The following ABCA4 variants were observed in gnomAD, a reference collection of about 807,000 sequenced individuals.
The protein encoded by ABCA4 is retinal-specific phospholipid-transporting ATPase ABCA4.
In ABCA4, 196 loss-of-function variants were observed where a neutral mutation model predicts 263.7. The observed-to-expected ratio is 0.74, with a 90% CI of 0.66 to 0.84. The LOEUF is 0.84. Among genes scored for constraint, ABCA4 ranks in the 40% least tolerant of loss-of-function variants. The probability of loss-of-function intolerance (pLI) is 0.00; values close to 1 mark genes in which losing one functional copy is unlikely to be tolerated. For synonymous variants in ABCA4, 1,133 were observed against 1,094.2 expected (o/e 1.04, Z -0.70); for missense variants, 2,792 against 2,855.1 (o/e 0.98, Z 0.50).
At chr1:94,011,134 C>A in intron 39 of ABCA4, 128 bp downstream of exon 39, 1 of 1,557,826 alleles carries the variant, frequency 6.4e-7, no homozygotes. Context: ...GCTGGCAGGA[C>A]ACCTCCAGCC....
Position 94,028,906 on chromosome 1 carries a change from CA to C in ABCA4, c.4539+538del, listed in dbSNP as rs34738807. 9.4e-3 allele frequency among the ~76,000 whole-genome samples: 354 copies of C among 37,652 alleles called. 1 individual carries two copies. The highest frequency in any genetic ancestry group is 0.049 in the African/African-American group (294 of 6,010). The allele number at this position is 37,652 out of a possible 152,430, so 24.7% of individuals were successfully genotyped here. A position where few individuals can be genotyped will look rare whatever the true frequency, so the allele number is the denominator to read the frequency against. The stretch of plus-strand genomic sequence containing the variant: ...TGGGTGACAGAGAGAGACTCTGTCT[CA>C]AAAAAAAAAAAAAAAAAAAAAAAGA... On this transcript the variant is annotated intron_variant, in intron 30 of 49. Coordinates refer to ENST00000370225, the MANE Select transcript of ABCA4 (RefSeq NM_000350.3).
Position 94,077,883 on chromosome 1 carries a change from G to A in ABCA4, c.1361C>T (p.Thr454Ile), listed in dbSNP as rs1661579932. The A allele has an allele frequency of 4.3e-6, 7 of 1,613,638 alleles. No homozygotes were observed. In the East Asian group the frequency reaches 1.3e-4, roughly 31 times the overall value. ...GTCTTTTACTGTTGGGTTCCCCAGG[G>A]TATCCTTGGGAAGAAGAAATACAGT... is the stretch of plus-strand genomic sequence containing the variant. ...NSTQMNMIRD[T>I]LGNPTVKDFL... The change falls in exon 11 of 50, where the codon ACC becomes ATC. Residue 454 changes from threonine (T) to isoleucine (I), a missense_variant. Physicochemically the swap from Thr to Ile is moderately conservative, Grantham distance 89 (BLOSUM62 -1). Transcript: ENST00000370225.
At chr1:94,037,604 G>A (rs577375572) in intron 24 of ABCA4, among the ~76,000 whole-genome samples, 58 of 152,170 alleles carry the variant, frequency 3.8e-4, no homozygotes, top group Non-Finnish European at 1.5e-4. Flanking sequence ...ACCTGGGGGC[G>A]GAGGTTGGTG....
At chr1:94,011,143 C>A in intron 39 of ABCA4, 119 bp downstream of exon 39, 4 of 1,579,774 alleles carry the variant, frequency 2.5e-6, no homozygotes, top group Non-Finnish European at 8.7e-7. Flanking sequence ...ACACCTCCAG[C>A]CCAACAAGGT....
intron 18 of ABCA4, among the ~76,000 whole-genome samples, chr1:94,047,750 G>A (rs1660727039): frequency 6.6e-6 from 1 of 152,036 alleles, no homozygotes; most frequent in Non-Finnish European, 1.5e-5. Flanking sequence ...GGTGGGTAGG[G>A]CAGTCCACGC....
chr1:94,063,381 C>T (rs1347280073), intron 11 of ABCA4, 64 bp from the exon 12 acceptor site: 3 of 1,442,632 alleles, frequency 2.1e-6, no homozygotes, highest in Non-Finnish European at 2.9e-6. Flanking sequence ...CAACTCTACA[C>T]ACAGAAAGTC....
intron 7 of ABCA4, 79 bp downstream of exon 7, chr1:94,083,273 A>C: frequency 8.0e-7 from 1 of 1,249,740 alleles, no homozygotes; most frequent in Non-Finnish European, 1.2e-6. Flanking sequence ...TTTGAAATAC[A>C]ATTAAATTAT....
Position 94,103,017 on chromosome 1 carries a change from G to C in ABCA4, c.568C>G (p.Gln190Glu). 1 of 1,614,174 alleles carries C rather than the reference G, an allele frequency of 6.2e-7. No homozygotes were observed. The highest frequency in any genetic ancestry group is 8.5e-7 in the Non-Finnish European group (1 of 1,180,014). Residue 190 changes from glutamine (Q) to glutamate (E), a missense_variant and splice_region_variant, in exon 5 of 50, where the codon CAG (glutamine) becomes GAG (glutamate). Physicochemically the swap from Gln to Glu is conservative, Grantham distance 29. Coordinates refer to ENST00000370225, the MANE Select transcript of ABCA4 (RefSeq NM_000350.3). ...ACTGGCCAGTGACATCCCCCTACCT[G>C]CTCTGGACGGACTTGAGAGTTGATC... is the stretch of plus-strand genomic sequence containing the variant. The part of the protein sequence containing the change: ...LLINSQVRPE[Q>E]FAHGVPDLAL...
Position 94,011,395 on chromosome 1 carries a change from A to G in ABCA4, c.5461-10T>C, listed in dbSNP as rs1800728. The stretch of plus-strand genomic sequence containing the variant: ...TGAACCTGAGCAGCGTCTGAAACAG[A>G]GAAGTAGGACTGTTGGAAACGGGGC... On this transcript the variant is annotated splice_polypyrimidine_tract_variant and intron_variant, in intron 38 of 49. Coordinates refer to ENST00000370225, the MANE Select transcript of ABCA4 (RefSeq NM_000350.3). 5.3e-4 allele frequency: 863 copies of G among 1,613,338 alleles called. 1 individual carries two copies. The highest frequency in any genetic ancestry group is 7.1e-4 in the Non-Finnish European group (834 of 1,179,786).
chr1:94,078,443 G>T (rs1439499755), intron 10 of ABCA4, 147 bp downstream of exon 10: 3 of 660,990 alleles, frequency 4.5e-6, no homozygotes, highest in Non-Finnish European at 8.1e-6. Context: ...TGACTGCTTG[G>T]AATGAAGGCC....
In ABCA4 at chr1:94,085,682, C is replaced by A. The variant is rs911682919; in HGVS notation, c.769-2241G>T. On this transcript the variant is annotated intron_variant, in intron 6 of 49. Coordinates refer to ENST00000370225, the MANE Select transcript of ABCA4 (RefSeq NM_000350.3). ...TCTCCAGAAGAGAAGGCCATTACTACGTTTTGACACACATGACCTCTGTGA... is the reference window on the plus strand; with the variant it reads ...TCTCCAGAAGAGAAGGCCATTACTAAGTTTTGACACACATGACCTCTGTGA... Among the ~76,000 whole-genome samples, 4 of 152,224 alleles carry A rather than the reference C, an allele frequency of 2.6e-5. No individual in the cohort carries two copies. In the South Asian group the frequency reaches 8.3e-4, roughly 31 times the overall value.
rs541041857 is a variant in ABCA4, at chr1:94,025,804, T to G, written c.4540-756A>C. Among the ~76,000 whole-genome samples the G allele has an allele frequency of 2.5e-4, 38 of 152,344 alleles. 1 individual carries two copies. Among genetic ancestry groups the G allele is most frequent in the Admixed American group, 2.3e-3 (35 of 15,308 alleles). On this transcript the variant is annotated intron_variant, in intron 30 of 49. Coordinates refer to ENST00000370225, the MANE Select transcript of ABCA4 (RefSeq NM_000350.3). The stretch of plus-strand genomic sequence containing the variant: ...CCTCCCGATGGATCTGTTTACGTAT[T>G]TGTATCTGTAATCCCCCGTAGGATA...
intron 11 of ABCA4, among the ~76,000 whole-genome samples, chr1:94,066,002 A>G (rs10493868): frequency 0.044 from 6,731 of 152,342 alleles, 152 homozygotes; most frequent in Middle Eastern, 0.19. Context: ...AACATTGACC[A>G]GTCCTTAAAT....
chr1:94,032,148 A>C, intron 26 of ABCA4, 105 bp from the exon 27 acceptor site: 1 of 1,399,444 alleles, frequency 7.1e-7, no homozygotes, highest in Non-Finnish European at 1.0e-6. Flanking sequence ...TCTTCATTTA[A>C]GTCAGCAATG....
At chr1:94,058,606 C>T (rs1284438955) in intron 14 of ABCA4, among the ~76,000 whole-genome samples, 3 of 152,242 alleles carry the variant, frequency 2.0e-5, no homozygotes, top group Non-Finnish European at 4.4e-5. Flanking sequence ...AAGTGATCCA[C>T]CTGCCTCTGT....
chr1:94,044,602 G>T lies in ABCA4; in HGVS notation c.3050+11C>A. The T allele has an allele frequency of 9.9e-6, 16 of 1,614,192 alleles. No individual in the cohort carries two copies. Among genetic ancestry groups the T allele is most frequent in the Non-Finnish European group, 1.4e-5 (16 of 1,180,006 alleles). ...AGGGGATGGGGCGGTCTCAGTTCCT[G>T]TGTCGCTTACTGGTGGAACAGGATG... On this transcript the variant is annotated intron_variant, in intron 20 of 49. Transcript: ENST00000370225.
chr1:94,078,543 C>G (rs1424958080), intron 10 of ABCA4, 47 bp downstream of exon 10: 2 of 1,169,658 alleles, frequency 1.7e-6, no homozygotes, highest in African/African-American at 3.1e-5. Flanking sequence ...TTCTTGCCCC[C>G]ACCGCTTCCT....
At chr1:94,102,360 C>T (rs555340775) in intron 5 of ABCA4, among the ~76,000 whole-genome samples, 4 of 151,994 alleles carry the variant, frequency 2.6e-5, no homozygotes, top group South Asian at 4.2e-4. Flanking sequence ...AGCCTCGGGA[C>T]GCCACCCCAG....
In ABCA4 at chr1:94,080,632, C is replaced by G; in HGVS notation, c.945G>C (p.Leu315=). 1 of 1,614,132 alleles carries G rather than the reference C, an allele frequency of 6.2e-7. No homozygotes were observed. The highest frequency in any genetic ancestry group is 8.5e-7 in the Non-Finnish European group (1 of 1,180,034). ...ACAGGAGGTCAGACAGGATGCCCAT[C>G]AGCTTTGTAAAGGTCTCTGGACCAC... ...QNGGPETFTK[L]MGILSDLLCG... The change falls in exon 8 of 50, where the codon CTG becomes CTC. Residue 315 remains leucine (L), a synonymous_variant. Transcript: ENST00000370225.
Sources: gnomAD v4.1 joint callset for allele counts (sites outside exome capture counted in the v4.1 genomes callset) on GRCh38, gnomAD v4.1.1 for gene constraint, MANE v1.5 for transcripts, NCBI Gene and HGNC (gene_info 2026-07-23, HGNC 2026-07-21) for gene names.